Variants in ZNF469 observed in about 807,000 individuals in gnomAD.
ZNF469 encodes the protein zinc finger protein 469.
ZNF469 carries 1 observed loss-of-function variant against 1.0 expected under a neutral mutation model. The ratio of observed to expected loss-of-function variants is 1.00; its 90% CI spans 0.35 to 4.73. ZNF469 has a LOEUF of 4.73. Among genes scored for constraint, ZNF469 ranks in the 30% most tolerant of loss-of-function variants. ZNF469 has a pLI of 0.16. For missense variants in ZNF469, 6,100 were observed against 5,356.3 expected, an observed-to-expected ratio of 1.14 and a Z score of -4.33; for synonymous variants, 2,703 against 2,363.4, an observed-to-expected ratio of 1.14 and a Z score of -4.17.
chr16:88,321,246 C>T, the ZNF469 span, among the ~76,000 whole-genome samples: 7 of 152,272 alleles, frequency 4.6e-5, no homozygotes, highest in Non-Finnish European at 7.3e-5. Context: ...GTCTGAAATC[C>T]GTAGGGCAGG....
chr16:88,384,949 C>G (rs2092533928), intron 1 of ZNF469, among the ~76,000 whole-genome samples: 2 of 152,192 alleles, frequency 1.3e-5, no homozygotes, highest in Admixed American at 1.3e-4. Flanking sequence ...GTCCTACCAG[C>G]TGGAATGCAC....
the ZNF469 span, among the ~76,000 whole-genome samples, chr16:88,243,936 AT>A: frequency 3.1e-4 from 34 of 111,098 alleles, no homozygotes; most frequent in East Asian, 4.3e-3. Flanking sequence ...ATATATATAT[AT>A]ATATATATAT....
At chr16:88,265,263 A>C in the ZNF469 span, among the ~76,000 whole-genome samples, 1 of 152,148 alleles carries the variant, frequency 6.6e-6, no homozygotes, top group African/African-American at 2.4e-5. Context: ...GCTCTCACTG[A>C]CCAAGAAAGG....
At chr16:88,378,234 G>A (rs116430085), upstream of ZNF469, among the ~76,000 whole-genome samples, 633 of 152,268 alleles carry the variant, frequency 4.2e-3, 1 homozygote, top group African/African-American at 0.015. Context: ...AGGCACACAC[G>A]GCGGGCAGGG....
intron 1 of ZNF469, among the ~76,000 whole-genome samples, chr16:88,403,628 A>C (rs1298814363): frequency 6.6e-6 from 1 of 152,248 alleles, no homozygotes; most frequent in Non-Finnish European, 1.5e-5. Flanking sequence ...GACAGGGAGC[A>C]GGGCCTCCTG....
the ZNF469 span, among the ~76,000 whole-genome samples, chr16:88,352,527 G>A: frequency 4.6e-5 from 7 of 152,246 alleles, no homozygotes; most frequent in African/African-American, 1.7e-4. Flanking sequence ...CAGGCCACTG[G>A]GCTGCCAGGC....
At chr16:88,324,145 G>A in the ZNF469 span, among the ~76,000 whole-genome samples, 2 of 152,228 alleles carry the variant, frequency 1.3e-5, no homozygotes, top group South Asian at 2.1e-4. Context: ...TCCCCACGGG[G>A]CCTGTTCGGG....
intron 1 of ZNF469, among the ~76,000 whole-genome samples, chr16:88,414,683 C>T (rs987694126): frequency 6.6e-6 from 1 of 152,264 alleles, no homozygotes. Context: ...CTCTCGAGAA[C>T]AGGCCGAACC....
the ZNF469 span, among the ~76,000 whole-genome samples, chr16:88,342,382 C>T: frequency 6.6e-6 from 1 of 152,144 alleles, no homozygotes; most frequent in Non-Finnish European, 1.5e-5. Context: ...CCCAGCAGCC[C>T]AGTTCCCTGT....
chr16:88,388,387 T>C (rs1328012118), intron 1 of ZNF469, among the ~76,000 whole-genome samples: 1 of 152,208 alleles, frequency 6.6e-6, no homozygotes, highest in Non-Finnish European at 1.5e-5. Context: ...TGAGCAGCCA[T>C]TGAGGCTTTC....
At chr16:88,186,559 AG>A in the ZNF469 span, among the ~76,000 whole-genome samples, 1 of 152,108 alleles carries the variant, frequency 6.6e-6, no homozygotes, top group Non-Finnish European at 1.5e-5. Flanking sequence ...CTGCTCCCAG[AG>A]GGGACCCGCA....
At position 88,429,136 on chromosome 16, in the gene ZNF469, C is replaced by A; in HGVS notation, c.1666C>A (p.Pro556Thr). The change falls in exon 3 of 3, where the codon CCT (proline) becomes ACT (threonine). Residue 556 changes from proline (P) to threonine (T), a missense_variant. Physicochemically the swap from Pro to Thr is conservative, Grantham distance 38. Transcript: ENST00000565624. ...GTTCACCTACAACGGAATGACAGACCCTGGGGCTCAGCCCCTGTTCTTCGG... is the reference window on the plus strand; with the variant it reads ...GTTCACCTACAACGGAATGACAGACACTGGGGCTCAGCCCCTGTTCTTCGG... ...ALFTYNGMTD[P>T]GAQPLFFGVA... 5 of 1,549,958 alleles carry A rather than the reference C, an allele frequency of 3.2e-6. No individual in the cohort carries two copies. The highest frequency in any genetic ancestry group is 4.4e-6 in the Non-Finnish European group (5 of 1,146,872).
the ZNF469 span, among the ~76,000 whole-genome samples, chr16:88,342,127 G>A: frequency 6.6e-6 from 1 of 152,122 alleles, no homozygotes; most frequent in African/African-American, 2.4e-5. Flanking sequence ...GGCAGGGGCT[G>A]AGGAGGCGCT....
the ZNF469 span, among the ~76,000 whole-genome samples, chr16:88,255,188 G>A: frequency 1.3e-5 from 2 of 152,210 alleles, no homozygotes; most frequent in Admixed American, 6.5e-5. Context: ...GGTTGCTCTT[G>A]CCAATGTGCA....
chr16:88,341,118 G>A, the ZNF469 span, among the ~76,000 whole-genome samples: 1 of 152,212 alleles, frequency 6.6e-6, no homozygotes, highest in African/African-American at 2.4e-5. Flanking sequence ...CAGGCCTTGT[G>A]GGCCACACGT....
At chr16:88,208,661 A>G in the ZNF469 span, among the ~76,000 whole-genome samples, 1 of 143,560 alleles carries the variant, frequency 7.0e-6, no homozygotes. Flanking sequence ...AGATGGAGGG[A>G]GGGAGGGAAG....
At chr16:88,375,784 T>C in the ZNF469 span, among the ~76,000 whole-genome samples, 1 of 152,180 alleles carries the variant, frequency 6.6e-6, no homozygotes, top group South Asian at 2.1e-4. Flanking sequence ...GTTCAAAGAC[T>C]AAACGAAGGA....
chr16:88,341,313 G>A, the ZNF469 span, among the ~76,000 whole-genome samples: 3 of 152,148 alleles, frequency 2.0e-5, no homozygotes, highest in Non-Finnish European at 4.4e-5. Flanking sequence ...CCCAGGAGGC[G>A]CATGGGCCAG....
intron 1 of ZNF469, among the ~76,000 whole-genome samples, chr16:88,390,201 C>T (rs1444043480): frequency 2.6e-5 from 4 of 152,302 alleles, no homozygotes; most frequent in Non-Finnish European, 4.4e-5. Context: ...CAGGTGGTCA[C>T]GGGGTTCAGC....
Sources: gnomAD v4.1 joint callset for allele counts (sites outside exome capture counted in the v4.1 genomes callset) on GRCh38, gnomAD v4.1.1 for gene constraint, MANE v1.5 for transcripts, NCBI Gene and HGNC (gene_info 2026-07-23, HGNC 2026-07-21) for gene names.